ZFHX3: variants seen among roughly 807,000 people sequenced by gnomAD.
ZFHX3 encodes zinc finger homeobox protein 3.
A neutral mutation model predicts 279.1 loss-of-function variants in ZFHX3; 42 were observed. The observed-to-expected ratio is 0.15, with a 90% CI of 0.12 to 0.19. ZFHX3 has a LOEUF of 0.19. ZFHX3 is among the 10% of genes least tolerant of loss of function. The pLI is 1.00. For synonymous variants in ZFHX3, 2,293 were observed against 1,957.8 expected, an observed-to-expected ratio of 1.17 and a Z score of -4.52; for missense variants, 4,981 against 4,754.0, an observed-to-expected ratio of 1.05 and a Z score of -1.40.
chr16:72,836,182 T>C (rs889404549), intron 4 of ZFHX3, among the ~76,000 whole-genome samples: 12 of 152,270 alleles, frequency 7.9e-5, no homozygotes, highest in African/African-American at 2.4e-4. Flanking sequence ...GCTACACCGA[T>C]GGAGGTGGGC....
At chr16:73,864,592 G>A (rs1377027865) in intron 1 of ZFHX3, among the ~76,000 whole-genome samples, 1 of 152,082 alleles carries the variant, frequency 6.6e-6, no homozygotes, top group Admixed American at 6.6e-5. Flanking sequence ...CGTGGCTGGC[G>A]CCTGTAGTCC....
At chr16:73,789,521 G>A (rs1480454173) in intron 1 of ZFHX3, among the ~76,000 whole-genome samples, 1 of 152,100 alleles carries the variant, frequency 6.6e-6, no homozygotes, top group Non-Finnish European at 1.5e-5. Flanking sequence ...GATTTCAAAG[G>A]CTGTAATCTG....
intron 1 of ZFHX3, among the ~76,000 whole-genome samples, chr16:72,990,175 G>A (rs971104856): frequency 2.6e-5 from 4 of 152,176 alleles, no homozygotes; most frequent in Admixed American, 1.3e-4. Flanking sequence ...GGTGGGGAAG[G>A]GCAGCTGCAC....
intron 4 of ZFHX3, among the ~76,000 whole-genome samples, chr16:73,260,134 T>C (rs1257323218): frequency 6.6e-6 from 1 of 152,210 alleles, no homozygotes; most frequent in East Asian, 1.9e-4. Flanking sequence ...TGGTGAGTTA[T>C]TTTGAAGAAT....
At chr16:72,908,265 G>A (rs752590018) in intron 3 of ZFHX3, among the ~76,000 whole-genome samples, 15 of 152,330 alleles carry the variant, frequency 9.8e-5, no homozygotes, top group Non-Finnish European at 1.6e-4. Context: ...GTGAGCAGCC[G>A]TGGAGAAGAG....
chr16:73,013,639 T>G (rs1963995813), intron 1 of ZFHX3, among the ~76,000 whole-genome samples: 1 of 152,176 alleles, frequency 6.6e-6, no homozygotes, highest in Admixed American at 6.5e-5. Context: ...TATGACTCTT[T>G]GGGCCTCACC....
rs527360656 is a variant in ZFHX3 at position 73,390,508 on chromosome 16, G to A, written c.-1291+65495C>T. Among the ~76,000 whole-genome samples, 18 of 152,214 alleles carry A rather than the reference G, an allele frequency of 1.2e-4. No homozygotes were observed. In the East Asian group the frequency reaches 1.7e-3, roughly 15 times the overall value. On this transcript the variant is annotated intron_variant, in intron 3 of 17. Transcript: ENST00000641206. ...CTGGAGGCCTAGCGGGGATTCCACC[G>A]GAAATCTGGTTCTAGAGAATGGTAT... is the stretch of plus-strand genomic sequence containing the variant.
intron 7 of ZFHX3, among the ~76,000 whole-genome samples, chr16:73,105,312 TAC>T (rs1375946832): frequency 6.9e-6 from 1 of 144,248 alleles, no homozygotes; most frequent in Non-Finnish European, 1.5e-5. Context: ...TACATATATA[TAC>T]ACACACATAC....
At chr16:73,224,586 G>T (rs939789593) in intron 5 of ZFHX3, among the ~76,000 whole-genome samples, 12 of 152,190 alleles carry the variant, frequency 7.9e-5, no homozygotes, top group Admixed American at 1.3e-4. Flanking sequence ...TAGAGATTTT[G>T]CAGAAACGTG....
chr16:73,746,152 A>T (rs556760051), intron 1 of ZFHX3, among the ~76,000 whole-genome samples: 80 of 152,278 alleles, frequency 5.3e-4, no homozygotes, highest in South Asian at 8.3e-4. Context: ...CAAATCAAGC[A>T]TATCATTTGA....
intron 5 of ZFHX3, among the ~76,000 whole-genome samples, chr16:73,219,599 C>G (rs756772558): frequency 1.3e-5 from 2 of 152,192 alleles, no homozygotes; most frequent in Non-Finnish European, 2.9e-5. Flanking sequence ...CTGCAATTTC[C>G]TATCAGTATT....
chr16:73,623,273 T>C (rs2052383765), intron 2 of ZFHX3, among the ~76,000 whole-genome samples: 1 of 152,150 alleles, frequency 6.6e-6, no homozygotes, highest in African/African-American at 2.4e-5. Context: ...CCTGACCTCG[T>C]GATCCGCCCG....
intron 2 of ZFHX3, among the ~76,000 whole-genome samples, chr16:73,473,834 G>A: frequency 6.6e-6 from 1 of 152,144 alleles, no homozygotes; most frequent in East Asian, 1.9e-4. Context: ...AGCATCAAAT[G>A]AACACTTCTG....
Position 72,787,675 on chromosome 16 carries a change from C to G in ZFHX3, c.10601G>C (p.Cys3534Ser). 6.4e-7 allele frequency: 1 copy of G among 1,555,818 alleles called. No homozygotes were observed. Among genetic ancestry groups the G allele is most frequent in the Non-Finnish European group, 8.7e-7 (1 of 1,150,596 alleles). Residue 3534 changes from cysteine (C) to serine (S), a missense_variant, in exon 10 of 10, where the codon TGC (cysteine) becomes TCC (serine). This residue lies in a region of ZFHX3 where 1,034 missense variants were observed against 786.0 expected (regional missense o/e 1.32). Coordinates refer to ENST00000268489, the MANE Select transcript of ZFHX3 (RefSeq NM_006885.4). ...TTCCTCCCCACAGAGCGCGCTCTCG[C>G]ACGCCAGGCAGTGGTACGAGCCGCC... ...GGGGSYHCLA[C>S]ESALCGEEAL...
At chr16:73,017,497 AAC>A (rs1964145775) in intron 1 of ZFHX3, among the ~76,000 whole-genome samples, 1 of 152,054 alleles carries the variant, frequency 6.6e-6, no homozygotes, top group Admixed American at 6.6e-5. Flanking sequence ...AAACTCTGCC[AAC>A]ACTGTTCTCT....
chr16:72,972,334 C>A (rs1454900962), intron 1 of ZFHX3, among the ~76,000 whole-genome samples: 2 of 152,278 alleles, frequency 1.3e-5, no homozygotes, highest in East Asian at 3.9e-4. Context: ...AGGAGAGAGT[C>A]TGACCTACTT....
intron 3 of ZFHX3, among the ~76,000 whole-genome samples, chr16:73,413,799 G>C (rs997404011): frequency 1.3e-5 from 2 of 152,184 alleles, no homozygotes; most frequent in African/African-American, 4.8e-5. Flanking sequence ...TATGTAATGA[G>C]TTCAAGGTCA....
chr16:73,172,084 C>T (rs1402515621), intron 5 of ZFHX3, among the ~76,000 whole-genome samples: 1 of 152,236 alleles, frequency 6.6e-6, no homozygotes, highest in East Asian at 1.9e-4. Flanking sequence ...ACCCCTCCTC[C>T]ACCCGCCTGC....
At chr16:73,648,308 C>T (rs143222809) in intron 2 of ZFHX3, among the ~76,000 whole-genome samples, 42 of 152,288 alleles carry the variant, frequency 2.8e-4, no homozygotes, top group Admixed American at 2.7e-3. Flanking sequence ...TCAAAGTCCA[C>T]ATTATTATCA....
Sources: allele counts gnomAD v4.1 joint callset (sites outside exome capture counted in the v4.1 genomes callset), GRCh38; gene constraint gnomAD v4.1.1; regional missense constraint gnomAD v4.1.1; transcripts MANE v1.5; gene names NCBI Gene and HGNC (gene_info 2026-07-23, HGNC 2026-07-21).